Variants in UXS1 observed in about 807,000 individuals in gnomAD.
The protein encoded by UXS1 is UDP-glucuronate decarboxylase 1, also known as UDP-glucuronic acid decarboxylase 1.
UXS1 carries 33 observed loss-of-function variants against 62.6 expected under a neutral mutation model. The observed-to-expected ratio is 0.53, with a 90% confidence interval of 0.40 to 0.70. UXS1 has a LOEUF of 0.70. Among genes scored for constraint, UXS1 ranks in the 30% least tolerant of loss-of-function variants. The probability of loss-of-function intolerance (pLI) is 0.00; values close to 1 mark genes in which losing one functional copy is unlikely to be tolerated. For missense variants in UXS1, 434 were observed against 556.3 expected (o/e 0.78, Z 2.21); for synonymous variants, 213 against 206.8 (o/e 1.03, Z -0.26).
At chr2:106,108,131 G>C (rs1678246919) in intron 10 of UXS1, among the ~76,000 whole-genome samples, 1 of 152,216 alleles carries the variant, frequency 6.6e-6, no homozygotes, top group Non-Finnish European at 1.5e-5. Context: ...TAAGAGTCCT[G>C]CTGGATTTCA....
intron 6 of UXS1, among the ~76,000 whole-genome samples, chr2:106,131,008 C>T (rs372168492): frequency 7.7e-4 from 117 of 151,854 alleles, no homozygotes; most frequent in Admixed American, 2.5e-3. Context: ...GTTCATCTCA[C>T]TAGGGAGTGC....
At chr2:106,190,743 CA>C (rs35043298) in intron 1 of UXS1, among the ~76,000 whole-genome samples, 5 of 124,860 alleles carry the variant, frequency 4.0e-5, no homozygotes, top group Non-Finnish European at 3.2e-5. Context: ...AACTCTGTAT[CA>C]AAAAAAAAAA....
At chr2:106,164,578 T>C (rs1683098136) in intron 3 of UXS1, among the ~76,000 whole-genome samples, 158 bp downstream of exon 3, 1 of 152,238 alleles carries the variant, frequency 6.6e-6, no homozygotes, top group African/African-American at 2.4e-5. Flanking sequence ...AGTAACAGAC[T>C]GCATGTCCTC....
At chr2:106,118,395 C>A (rs1449376020) in intron 9 of UXS1, among the ~76,000 whole-genome samples, 1 of 151,894 alleles carries the variant, frequency 6.6e-6, no homozygotes, top group African/African-American at 2.4e-5. Context: ...TGAATGGAGG[C>A]TTGTTTTGCA....
chr2:106,182,772 C>T (rs1243437866), intron 1 of UXS1, among the ~76,000 whole-genome samples: 1 of 139,366 alleles, frequency 7.2e-6, no homozygotes, highest in Non-Finnish European at 1.5e-5. Context: ...TTGGGTGCTG[C>T]TTCTCCTGCC....
rs1257164467 is a variant in UXS1 at position 106,094,101 on chromosome 2, C to G, written c.1203G>C (p.Glu401Asp). 2 of 1,613,084 alleles carry G rather than the reference C, an allele frequency of 1.2e-6. No individual in the cohort carries two copies. The highest frequency in any genetic ancestry group is 1.7e-5 in the Admixed American group (1 of 59,894). Residue 401 changes from glutamate to aspartate, a missense_variant, in exon 15 of 15, where the codon GAG (glutamate) becomes GAC (aspartate). Glu to Asp is a conservative substitution (Grantham distance 45). This residue lies in a region of UXS1 where 209 missense variants were observed against 233.3 expected (regional missense o/e 0.90). Transcript: ENST00000283148. Reference protein sequence around the residue: ...KAIHYFRKELEYQANNQYIPK... With the variant: ...KAIHYFRKELDYQANNQYIPK... ...GGATGTACTGATTATTTGCCTGGTA[C>G]TCGAGTTCTTTACGGAAGTAGTGAA...
intron 1 of UXS1, among the ~76,000 whole-genome samples, chr2:106,190,611 C>T (rs1200720192): frequency 6.6e-6 from 1 of 151,786 alleles, no homozygotes; most frequent in African/African-American, 2.4e-5. Context: ...GGCGTGGTGG[C>T]GCATGCCTGT....
intron 10 of UXS1, among the ~76,000 whole-genome samples, chr2:106,105,930 G>A (rs886120349): frequency 1.2e-4 from 19 of 152,080 alleles, no homozygotes; most frequent in African/African-American, 3.1e-4. Flanking sequence ...GTCTCTTCCC[G>A]CCTGACAGCA....
intron 1 of UXS1, 188 bp from the exon 2 acceptor site, chr2:106,166,271 C>T (rs1421904404): frequency 1.7e-6 from 1 of 577,290 alleles, no homozygotes; most frequent in African/African-American, 1.9e-5. Flanking sequence ...AAAACAGGAT[C>T]GTAGAGTTTA....
intron 1 of UXS1, among the ~76,000 whole-genome samples, chr2:106,188,126 G>T (rs1168894174): frequency 1.3e-5 from 2 of 149,812 alleles, no homozygotes; most frequent in African/African-American, 4.9e-5. Flanking sequence ...TTTTGTCTTT[G>T]ATTTCTTTTC....
At chr2:106,163,513 C>T (rs1683030471) in intron 4 of UXS1, among the ~76,000 whole-genome samples, 154 bp downstream of exon 4, 1 of 152,174 alleles carries the variant, frequency 6.6e-6, no homozygotes. Flanking sequence ...TTCTTCTCCC[C>T]ATGTTCTATC....
chr2:106,096,623 G>A (rs1222355313), intron 14 of UXS1, 95 bp downstream of exon 14: 9 of 1,178,460 alleles, frequency 7.6e-6, no homozygotes, highest in South Asian at 3.3e-5. Flanking sequence ...TTGCTCCTCC[G>A]GGGGCTGTCT....
At chr2:106,152,145 A>T (rs1043339119) in intron 5 of UXS1, among the ~76,000 whole-genome samples, 1 of 152,228 alleles carries the variant, frequency 6.6e-6, no homozygotes, top group African/African-American at 2.4e-5. Context: ...AAGTCTCTGG[A>T]AATTGTGCTA....
intron 10 of UXS1, among the ~76,000 whole-genome samples, chr2:106,110,995 A>G (rs1558685281): frequency 6.6e-6 from 1 of 152,212 alleles, no homozygotes; most frequent in Non-Finnish European, 1.5e-5. Context: ...GGAGCAAGGA[A>G]GCCCGGCCTG....
intron 9 of UXS1, among the ~76,000 whole-genome samples, chr2:106,117,856 T>C (rs1679184609): frequency 6.6e-6 from 1 of 152,244 alleles, no homozygotes; most frequent in Non-Finnish European, 1.5e-5. Flanking sequence ...GACTGCAGAA[T>C]GCACAGCTCA....
intron 1 of UXS1, among the ~76,000 whole-genome samples, 176 bp downstream of exon 1, chr2:106,193,972 G>T (rs1685105349): frequency 6.6e-6 from 1 of 151,846 alleles, no homozygotes; most frequent in African/African-American, 2.4e-5. Flanking sequence ...GCCCAAGTTG[G>T]CCCGCTTTGC....
At chr2:106,171,414 AATGGGTTTCAGGGAG>A (rs1683549469) in intron 1 of UXS1, among the ~76,000 whole-genome samples, 2 of 152,218 alleles carry the variant, frequency 1.3e-5, no homozygotes, top group South Asian at 4.1e-4. Flanking sequence ...TGGATCCCTG[AATGGGTTTCAGGGAG>A]ACTAGAGGGG....
chr2:106,166,301 C>A, intron 1 of UXS1: 1 of 481,564 alleles, frequency 2.1e-6, no homozygotes, highest in South Asian at 3.2e-5. Flanking sequence ...AGTTTGAGAA[C>A]TGCAACCCAG....
intron 12 of UXS1, among the ~76,000 whole-genome samples, chr2:106,100,063 T>C (rs1029095682): frequency 6.6e-6 from 1 of 152,182 alleles, no homozygotes; most frequent in African/African-American, 2.4e-5. Flanking sequence ...CCCTGAACTT[T>C]AGAGTGTTGT....
Sources: gnomAD v4.1 joint callset for allele counts (sites outside exome capture counted in the v4.1 genomes callset) on GRCh38, gnomAD v4.1.1 for gene constraint, gnomAD v4.1.1 regional missense constraint, MANE v1.5 for transcripts, NCBI Gene and HGNC (gene_info 2026-07-23, HGNC 2026-07-21) for gene names.